FBXL13: variants seen among roughly 807,000 people sequenced by gnomAD.
FBXL13 encodes F-box and leucine-rich repeat protein 13.
In FBXL13, 67 loss-of-function variants were observed where a neutral mutation model predicts 83.6. The observed-to-expected ratio is 0.80, with a 90% CI of 0.66 to 0.98. The LOEUF (loss-of-function observed/expected upper bound fraction) is 0.98. Among genes scored for constraint, FBXL13 ranks in the 50% least tolerant of loss-of-function variants. The pLI, the probability that FBXL13 is intolerant of heterozygous loss-of-function variation, is 0.00. For missense variants in FBXL13, 822 were observed against 866.5 expected, an observed-to-expected ratio of 0.95 and a Z score of 0.64; for synonymous variants, 272 against 299.5, an observed-to-expected ratio of 0.91 and a Z score of 0.95.
At chr7:102,983,877 T>A (rs1828600664) in intron 6 of FBXL13, among the ~76,000 whole-genome samples, 1 of 152,158 alleles carries the variant, frequency 6.6e-6, no homozygotes, top group African/African-American at 2.4e-5. Context: ...GATAAGACTC[T>A]CCCTCAGGGC....
intron 7 of FBXL13, among the ~76,000 whole-genome samples, chr7:102,966,238 T>A (rs1563162124): frequency 6.6e-6 from 1 of 152,212 alleles, no homozygotes; most frequent in African/African-American, 2.4e-5. Flanking sequence ...TGCATCAGAA[T>A]CATCTAGGTG....
intron 2 of FBXL13, among the ~76,000 whole-genome samples, chr7:103,036,603 C>T (rs1488176610): frequency 6.6e-6 from 1 of 152,182 alleles, no homozygotes; most frequent in Non-Finnish European, 1.5e-5. Flanking sequence ...ATCTCCACTC[C>T]CCGGTTCAAG....
intron 2 of FBXL13, among the ~76,000 whole-genome samples, chr7:103,032,201 T>G (rs1411250593): frequency 6.6e-6 from 1 of 152,218 alleles, no homozygotes; most frequent in Non-Finnish European, 1.5e-5. Context: ...TAAAAAAATT[T>G]CATTCCTCTG....
chr7:102,826,710 G>A (rs1304689823), intron 18 of FBXL13, among the ~76,000 whole-genome samples: 3 of 125,484 alleles, frequency 2.4e-5, no homozygotes, highest in East Asian at 2.1e-4. Flanking sequence ...GGGAGACAGA[G>A]TGAGACCCTG....
intron 11 of FBXL13, among the ~76,000 whole-genome samples, chr7:102,885,637 T>A (rs76841373): frequency 0.019 from 2,932 of 152,312 alleles, 84 homozygotes; most frequent in African/African-American, 0.067. Context: ...GTTCAGTTTA[T>A]CTATTTTTTC....
chr7:102,834,032 TGAA>T, intron 17 of FBXL13, among the ~76,000 whole-genome samples: 1 of 75,470 alleles, frequency 1.3e-5, no homozygotes, highest in East Asian at 4.0e-4. Context: ...GAAACCATGA[TGAA>T]GGAAGGAAGG....
intron 17 of FBXL13, among the ~76,000 whole-genome samples, chr7:102,840,899 A>G (rs1194335235): frequency 6.6e-6 from 1 of 152,226 alleles, no homozygotes; most frequent in Non-Finnish European, 1.5e-5. Context: ...CTTGGAAGAC[A>G]TGGACCCTGG....
chr7:103,019,966 TC>T (rs1417452299), intron 6 of FBXL13, among the ~76,000 whole-genome samples: 1 of 152,192 alleles, frequency 6.6e-6, no homozygotes, highest in African/African-American at 2.4e-5. Flanking sequence ...AACCCCTAAC[TC>T]ATTTTATGAG....
intron 6 of FBXL13, among the ~76,000 whole-genome samples, chr7:103,014,305 T>C (rs1288909945): frequency 1.3e-5 from 2 of 151,888 alleles, no homozygotes; most frequent in African/African-American, 4.8e-5. Flanking sequence ...CAGTGAGCCA[T>C]GATCACACTA....
intron 19 of FBXL13, among the ~76,000 whole-genome samples, chr7:102,814,088 G>A (rs77719082): frequency 0.025 from 3,749 of 152,172 alleles, 164 homozygotes; most frequent in African/African-American, 0.086. Flanking sequence ...AAAAAATACT[G>A]TTATAGTCTT....
chr7:102,887,277 G>T (rs1308784642), intron 11 of FBXL13, among the ~76,000 whole-genome samples: 1 of 152,170 alleles, frequency 6.6e-6, no homozygotes, highest in African/African-American at 2.4e-5. Flanking sequence ...CAAGACAGGT[G>T]ATTTACACAC....
intron 11 of FBXL13, among the ~76,000 whole-genome samples, chr7:102,896,664 C>A (rs897351905): frequency 5.9e-5 from 9 of 152,162 alleles, no homozygotes; most frequent in African/African-American, 2.2e-4. Context: ...CCTTGGCTTA[C>A]AGTTAGCCAT....
intron 10 of FBXL13, among the ~76,000 whole-genome samples, chr7:102,921,310 A>G (rs1447711620): frequency 6.6e-6 from 1 of 152,252 alleles, no homozygotes; most frequent in Non-Finnish European, 1.5e-5. Flanking sequence ...TGATCATAAT[A>G]GGCAACTAAT....
At position 102,879,599 on chromosome 7, in the gene FBXL13, T is replaced by TTTTG. The variant is rs1054333057; in HGVS notation, c.1389-1153_1389-1150dup. On this transcript the variant is annotated intron_variant, in intron 14 of 19. Coordinates refer to ENST00000313221, the Ensembl canonical transcript of FBXL13. ...GATATCAAAAGTATCCATGCTGTTT[T>TTTTG]TTTGTTTGTTTGTTTGTTTTTTAAT... Among the ~76,000 whole-genome samples, 12 of 152,296 alleles carry TTTTG rather than the reference T, an allele frequency of 7.9e-5. No homozygotes were observed. The East Asian group carries it at 1.2e-3, about 15-fold the overall frequency.
At chr7:102,834,081 GAAAGA>G (rs1231489310) in intron 17 of FBXL13, among the ~76,000 whole-genome samples, 3 of 84,920 alleles carry the variant, frequency 3.5e-5, no homozygotes, top group South Asian at 4.2e-4. Context: ...AGGAAGGAAG[GAAAGA>G]AAAGAAAGAA....
intron 6 of FBXL13, among the ~76,000 whole-genome samples, chr7:103,015,580 T>G (rs1366045814): frequency 6.6e-6 from 1 of 152,092 alleles, no homozygotes; most frequent in African/African-American, 2.4e-5. Context: ...GGTAGATCAC[T>G]TGAGACCAGG....
At chr7:102,858,301 G>A (rs886377381) in intron 16 of FBXL13, among the ~76,000 whole-genome samples, 1 of 152,152 alleles carries the variant, frequency 6.6e-6, no homozygotes, top group South Asian at 2.1e-4. Flanking sequence ...GAGGGAGGAT[G>A]GGGATTGGTT....
chr7:102,816,297 A>G (rs553905038), intron 19 of FBXL13: 1 of 152,362 alleles, frequency 6.6e-6, no homozygotes, highest in African/African-American at 2.4e-5. Context: ...GGCCTGTTTT[A>G]GTCTGAAGTG....
At chr7:102,954,900 T>C (rs934311991) in intron 8 of FBXL13, among the ~76,000 whole-genome samples, 1 of 152,098 alleles carries the variant, frequency 6.6e-6, no homozygotes, top group Non-Finnish European at 1.5e-5. Context: ...AACAAGTCTG[T>C]AGAGACCTAC....
Sources: gnomAD v4.1 joint callset for allele counts (sites outside exome capture counted in the v4.1 genomes callset) on GRCh38, gnomAD v4.1.1 for gene constraint, MANE v1.5 for transcripts, NCBI Gene and HGNC (gene_info 2026-07-23, HGNC 2026-07-21) for gene names.